KCNAB2: variants seen among roughly 807,000 people sequenced by gnomAD.
The protein encoded by KCNAB2 is potassium voltage-gated channel subfamily A regulatory beta subunit 2, also known as voltage-gated potassium channel subunit beta-2.
In KCNAB2, 29 loss-of-function variants were observed where a neutral mutation model predicts 63.6. That is an observed-to-expected ratio of 0.46 (90% CI 0.34 to 0.62). The LOEUF (loss-of-function observed/expected upper bound fraction) is 0.62, where lower values mean the gene tolerates loss of function less well. Ranked by LOEUF, KCNAB2 falls within the 20% of genes least tolerant of loss-of-function variation. The pLI is 0.01. For synonymous variants in KCNAB2, 222 were observed against 224.2 expected (o/e 0.99, Z 0.09); for missense variants, 359 against 563.9 (o/e 0.64, Z 3.68).
rs1001571700 is a variant in KCNAB2 at position 6,096,910 on chromosome 1, G to A, written c.1069+154G>A. On this transcript the variant is annotated intron_variant, in intron 14 of 15. Coordinates refer to ENST00000378083, the MANE Select transcript of KCNAB2 (RefSeq NM_001199862.2). The surrounding 1 kb of genome is among the most constrained non-coding windows in gnomAD (Gnocchi z 5.9). ...ATCCCCCAGCCAGCCTCGGGTAATC[G>A]GGCTCTAAGGGGCATGGTTGGGACC... is the stretch of plus-strand genomic sequence containing the variant. 1.3e-5 allele frequency among the ~76,000 whole-genome samples: 2 copies of A among 152,130 alleles called. No homozygotes were observed. Among genetic ancestry groups the A allele is most frequent in the Non-Finnish European group, 1.5e-5 (1 of 67,990 alleles).
At chr1:5,993,517 T>C (rs899678071) in intron 1 of KCNAB2, among the ~76,000 whole-genome samples, 1 of 152,202 alleles carries the variant, frequency 6.6e-6, no homozygotes, top group Non-Finnish European at 1.5e-5. Context: ...CCTCCCTACC[T>C]GCTGCTGCTC....
intron 1 of KCNAB2, chr1:5,996,229 A>C (rs1444012525): frequency 6.5e-6 from 1 of 152,754 alleles, no homozygotes; most frequent in Non-Finnish European, 1.5e-5. Context: ...CACTGGCTCG[A>C]GGCTTTCCTG....
chr1:6,026,131 TCCTGTCCTCTG>T (rs1659159314), intron 1 of KCNAB2: 1 of 152,554 alleles, frequency 6.6e-6, no homozygotes, highest in Non-Finnish European at 1.5e-5. Context: ...GCCACCTGCT[TCCTGTCCTCTG>T]CCTGTCTCCT....
intron 9 of KCNAB2, among the ~76,000 whole-genome samples, 196 bp downstream of exon 9, chr1:6,090,671 C>T (rs558974548): frequency 6.6e-6 from 1 of 152,248 alleles, no homozygotes; most frequent in Admixed American, 6.5e-5. Flanking sequence ...GGCTGCAGAC[C>T]CCTCGCCAGG....
upstream of KCNAB2, chr1:6,041,036 G>A (rs1019426268): frequency 3.4e-5 from 6 of 178,018 alleles, no homozygotes; most frequent in Admixed American, 1.2e-4. Context: ...TTTCTCCTGA[G>A]CGAGGATGAC....
intron 11 of KCNAB2, 30 bp from the exon 12 acceptor site, chr1:6,095,293 G>A (rs1665526100): frequency 6.3e-7 from 1 of 1,594,988 alleles, no homozygotes; most frequent in Non-Finnish European, 8.5e-7. Context: ...CACAGGCAAG[G>A]GCCCTCGGGG....
At chr1:6,030,899 T>G (rs1659578371), upstream of KCNAB2, among the ~76,000 whole-genome samples, 1 of 150,270 alleles carries the variant, frequency 6.7e-6, no homozygotes, top group African/African-American at 2.5e-5. Flanking sequence ...GGTGTGTGTA[T>G]GTGAATAGGT....
intron 1 of KCNAB2, among the ~76,000 whole-genome samples, chr1:5,993,663 A>G (rs937525657): frequency 4.6e-5 from 7 of 152,204 alleles, no homozygotes; most frequent in African/African-American, 1.7e-4. Context: ...GGGGGCTCTT[A>G]CAGGGACTGT....
At chr1:6,051,490 A>C (rs1426049537) in intron 1 of KCNAB2, 21 bp from the exon 2 acceptor site, 1 of 1,473,656 alleles carries the variant, frequency 6.8e-7, no homozygotes, top group Non-Finnish European at 9.0e-7. Context: ...CACACTGTCT[A>C]ACTCATCACC....
chr1:6,020,588 T>A (rs1463688718), intron 1 of KCNAB2, among the ~76,000 whole-genome samples: 3 of 152,100 alleles, frequency 2.0e-5, no homozygotes, highest in Non-Finnish European at 4.4e-5. Context: ...TGGAAGAAAA[T>A]TCAGGAAATA....
At position 6,069,984 on chromosome 1, in the gene KCNAB2, G is replaced by A. The variant is rs142603531; in HGVS notation, c.219-2771G>A. Among the ~76,000 whole-genome samples, 5 of 152,292 alleles carry A rather than the reference G, an allele frequency of 3.3e-5. No individual in the cohort carries two copies. The highest frequency in any genetic ancestry group is 7.4e-5 in the Non-Finnish European group (5 of 68,020). Reference sequence around the variant, plus strand: ...GGAATCAGGGGCAGGGGCACCTTTTGCCAGCCCTCCCCAAACTGGTGACCA... The same window carrying A: ...GGAATCAGGGGCAGGGGCACCTTTTACCAGCCCTCCCCAAACTGGTGACCA... On this transcript the variant is annotated intron_variant, in intron 2 of 15. Transcript: ENST00000378083. This position sits in a 1 kb window ranked among gnomAD's most constrained non-coding sequence, Gnocchi z 5.4.
At position 6,099,548 on chromosome 1, in the gene KCNAB2, G is replaced by A. The variant is rs12566587; in HGVS notation, c.*974G>A. 2 of 455,118 alleles carry A rather than the reference G, an allele frequency of 4.4e-6. No individual in the cohort carries two copies. Among genetic ancestry groups the A allele is most frequent in the Non-Finnish European group, 7.7e-6 (2 of 261,326 alleles). 28.2% of individuals were successfully genotyped at this position (455,118 alleles called of 1,614,324 possible). Reference sequence around the variant, plus strand: ...AGCAGGGGCCGGCCCTGTGCACAAGGATGCACTCCTCTCGGCCCCTGTAGA... The same window carrying A: ...AGCAGGGGCCGGCCCTGTGCACAAGAATGCACTCCTCTCGGCCCCTGTAGA... On this transcript the variant is annotated 3_prime_UTR_variant, in exon 16 of 16. Coordinates refer to ENST00000378083, the MANE Select transcript of KCNAB2 (RefSeq NM_001199862.2).
At chr1:6,042,002 T>C (rs116144871), upstream of KCNAB2, 599 of 769,978 alleles carry the variant, frequency 7.8e-4, 4 homozygotes, top group African/African-American at 9.2e-3. Flanking sequence ...ACCCCCAGGC[T>C]CTGCTCATCA....
chr1:6,010,137 A>G (rs191818021), intron 1 of KCNAB2, among the ~76,000 whole-genome samples: 65 of 152,242 alleles, frequency 4.3e-4, no homozygotes, highest in African/African-American at 1.5e-3. Context: ...TCAGCCTCCC[A>G]AAGTGCTGGC....
At chr1:6,044,408 T>A (rs1380606881), upstream of KCNAB2, among the ~76,000 whole-genome samples, 1 of 152,110 alleles carries the variant, frequency 6.6e-6, no homozygotes, top group Non-Finnish European at 1.5e-5. Context: ...GGGGCTTGGA[T>A]CTGGTCCTTG....
At chr1:6,063,458 G>A (rs971085766) in intron 2 of KCNAB2, among the ~76,000 whole-genome samples, 2 of 147,036 alleles carry the variant, frequency 1.4e-5, no homozygotes, top group African/African-American at 5.0e-5. Flanking sequence ...CACCCAGGCT[G>A]GAGTGCAGTG....
chr1:6,025,015 G>A (rs551172722), intron 1 of KCNAB2, among the ~76,000 whole-genome samples: 2 of 152,300 alleles, frequency 1.3e-5, no homozygotes, highest in South Asian at 2.1e-4. Flanking sequence ...CCAGCTCTCC[G>A]TCATGGCGCC....
chr1:6,080,544 A>C (rs1664111139), intron 4 of KCNAB2, among the ~76,000 whole-genome samples: 1 of 152,208 alleles, frequency 6.6e-6, no homozygotes, highest in South Asian at 2.1e-4. Flanking sequence ...TTCCTGACTC[A>C]AATCACAGCC....
chr1:6,072,737 G>T lies in KCNAB2; in HGVS notation c.219-18G>T. 2 of 1,613,748 alleles carry T rather than the reference G, an allele frequency of 1.2e-6. No individual in the cohort carries two copies. Among genetic ancestry groups the T allele is most frequent in the Non-Finnish European group, 1.7e-6 (2 of 1,179,770 alleles). On this transcript the variant is annotated intron_variant, in intron 2 of 15. Transcript: ENST00000378083. ...TCCTGCCTGGGTGCTGAGAACTCAC[G>T]TGGCGTTTGTTTTTCAGGAACCTGG...
Sources: gnomAD v4.1 joint callset for allele counts (sites outside exome capture counted in the v4.1 genomes callset) on GRCh38, gnomAD v4.1.1 for gene constraint, Gnocchi (gnomAD v3.1) non-coding constraint, MANE v1.5 for transcripts, NCBI Gene and HGNC (gene_info 2026-07-23, HGNC 2026-07-21) for gene names.